GRIP1: variants seen among roughly 807,000 people sequenced by gnomAD.
GRIP1 encodes glutamate receptor-interacting protein 1.
GRIP1 carries 45 observed loss-of-function variants against 129.9 expected under a neutral mutation model. The ratio of observed to expected loss-of-function variants is 0.35; its 90% confidence interval spans 0.27 to 0.44. GRIP1 has a LOEUF of 0.44. Ranked by LOEUF, GRIP1 falls within the 20% of genes least tolerant of loss-of-function variation. The probability of loss-of-function intolerance (pLI) is 1.00; values close to 1 mark genes in which losing one functional copy is unlikely to be tolerated. For synonymous variants in GRIP1, 530 were observed against 520.8 expected (o/e 1.02, Z -0.24); for missense variants, 1,196 against 1,396.8 (o/e 0.86, Z 2.29).
At chr12:66,364,228 TG>T (rs2054985868) in intron 23 of GRIP1, among the ~76,000 whole-genome samples, 1 of 118,402 alleles carries the variant, frequency 8.4e-6, no homozygotes, top group Non-Finnish European at 1.6e-5. Flanking sequence ...ATTGCACCAC[TG>T]CACTCCAGCC....
At chr12:66,895,343 G>T (rs528368073) in intron 1 of GRIP1, among the ~76,000 whole-genome samples, 1 of 152,096 alleles carries the variant, frequency 6.6e-6, no homozygotes, top group Admixed American at 6.5e-5. Context: ...CCCTACACAC[G>T]TTCTCTTGCC....
At chr12:66,383,652 C>CT (rs2056223746) in intron 19 of GRIP1, among the ~76,000 whole-genome samples, 1 of 152,172 alleles carries the variant, frequency 6.6e-6, no homozygotes. Context: ...TTGGGGCTCT[C>CT]TGAGCTTGAT....
chr12:66,731,173 A>T (rs2036425188), intron 1 of GRIP1, among the ~76,000 whole-genome samples: 1 of 152,204 alleles, frequency 6.6e-6, no homozygotes, highest in African/African-American at 2.4e-5. Flanking sequence ...TTGCTAAAGA[A>T]GAAAGAAATA....
At chr12:66,730,717 A>AG (rs1172601418) in intron 1 of GRIP1, among the ~76,000 whole-genome samples, 1 of 151,746 alleles carries the variant, frequency 6.6e-6, no homozygotes, top group Admixed American at 6.6e-5. Context: ...AAAAAAAAAA[A>AG]AAAACTCATA....
chr12:66,713,541 A>G (rs1419921066), intron 1 of GRIP1, among the ~76,000 whole-genome samples: 2 of 23,152 alleles, frequency 8.6e-5, no homozygotes, highest in East Asian at 1.3e-3. Flanking sequence ...CAAGATATTT[A>G]TCTCTTGAAC....
At chr12:66,927,155 C>A (rs2041310333) in intron 1 of GRIP1, among the ~76,000 whole-genome samples, 1 of 152,192 alleles carries the variant, frequency 6.6e-6, no homozygotes, top group East Asian at 1.9e-4. Context: ...ATTAACTGAC[C>A]TCCTTAGATT....
At chr12:66,483,992 TG>T (rs1322937367) in intron 7 of GRIP1, among the ~76,000 whole-genome samples, 1 of 151,272 alleles carries the variant, frequency 6.6e-6, no homozygotes, top group Non-Finnish European at 1.5e-5. Context: ...CCCAAGTAGC[TG>T]GGACTACAGG....
At chr12:66,973,603 C>T (rs921185676) in intron 1 of GRIP1, among the ~76,000 whole-genome samples, 2 of 151,996 alleles carry the variant, frequency 1.3e-5, no homozygotes, top group South Asian at 2.1e-4. Context: ...CACAACTCTG[C>T]CAGTATTTAT....
Position 66,783,890 on chromosome 12 carries a change from C to A in GRIP1, c.-420+20163G>T, listed in dbSNP as rs949287324. Among the ~76,000 whole-genome samples the A allele has an allele frequency of 2.6e-5, 4 of 152,086 alleles. No individual in the cohort carries two copies. The East Asian group carries it at 7.7e-4, about 29-fold the overall frequency. On this transcript the variant is annotated intron_variant, in intron 1 of 4. Coordinates refer to the GRIP1 transcript ENST00000538373. ...CCTCACATTCTTTCTAAATATCTAA[C>A]CTGTAGTAGAACTGAGACATTTAAG...
At chr12:66,579,135 T>C (rs35469355) in intron 2 of GRIP1, among the ~76,000 whole-genome samples, 37,390 of 152,082 alleles carry the variant, frequency 0.25, 4,730 homozygotes, top group Admixed American at 0.28. Flanking sequence ...CCGCTGCTGA[T>C]ACCCAGGCAA....
At chr12:66,732,729 G>C (rs948677743) in intron 1 of GRIP1, among the ~76,000 whole-genome samples, 1 of 152,034 alleles carries the variant, frequency 6.6e-6, no homozygotes, top group African/African-American at 2.4e-5. Context: ...GACTATTGAT[G>C]TTATCAGTAA....
At chr12:66,855,452 G>A (rs942890453) in intron 1 of GRIP1, among the ~76,000 whole-genome samples, 1 of 152,002 alleles carries the variant, frequency 6.6e-6, no homozygotes, top group African/African-American at 2.4e-5. Flanking sequence ...CACTTTCACG[G>A]AGTGTGTGAA....
intron 7 of GRIP1, among the ~76,000 whole-genome samples, chr12:66,470,802 A>T (rs1418267222): frequency 6.6e-6 from 1 of 152,208 alleles, no homozygotes; most frequent in Non-Finnish European, 1.5e-5. Context: ...ACTACAAGGG[A>T]TGATACCGTA....
At chr12:66,523,046 C>T (rs1319986268) in intron 5 of GRIP1, among the ~76,000 whole-genome samples, 1 of 152,004 alleles carries the variant, frequency 6.6e-6, no homozygotes, top group Non-Finnish European at 1.5e-5. Flanking sequence ...ACCAAATCTA[C>T]GTCTGACTGG....
At chr12:66,861,534 T>C (rs2040111511) in intron 1 of GRIP1, among the ~76,000 whole-genome samples, 1 of 152,104 alleles carries the variant, frequency 6.6e-6, no homozygotes, top group African/African-American at 2.4e-5. Flanking sequence ...AACAATTTTA[T>C]AGAGATACGC....
chr12:66,463,478 G>A (rs979876571), intron 8 of GRIP1, among the ~76,000 whole-genome samples: 2 of 152,002 alleles, frequency 1.3e-5, no homozygotes, highest in Non-Finnish European at 1.5e-5. Context: ...AACATGAGTG[G>A]GTAAATCTTC....
chr12:66,925,132 A>G (rs2041275936), intron 1 of GRIP1, among the ~76,000 whole-genome samples: 1 of 152,238 alleles, frequency 6.6e-6, no homozygotes, highest in South Asian at 2.1e-4. Flanking sequence ...AGTATAAGTA[A>G]GTAATTCCAC....
intron 1 of GRIP1, among the ~76,000 whole-genome samples, chr12:66,871,383 TAAGA>T (rs919221169): frequency 2.0e-5 from 3 of 152,102 alleles, no homozygotes; most frequent in African/African-American, 7.2e-5. Context: ...TATCAATGCA[TAAGA>T]AAGAAGATTT....
intron 23 of GRIP1, among the ~76,000 whole-genome samples, chr12:66,367,436 A>G (rs992732244): frequency 6.6e-6 from 1 of 152,076 alleles, no homozygotes; most frequent in African/African-American, 2.4e-5. Context: ...TAAAATGTAG[A>G]TTCTCGGCCC....
Sources: allele counts gnomAD v4.1 joint callset (sites outside exome capture counted in the v4.1 genomes callset), GRCh38; gene constraint gnomAD v4.1.1; transcripts MANE v1.5; gene names NCBI Gene and HGNC (gene_info 2026-07-23, HGNC 2026-07-21).